Variants in ADGRE1 observed in about 807,000 individuals in gnomAD.
ADGRE1 encodes the protein EGF-like module receptor 1.
ADGRE1 carries 82 observed loss-of-function variants against 102.7 expected under a neutral mutation model. The ratio of observed to expected loss-of-function variants is 0.80; its 90% CI spans 0.67 to 0.96. The LOEUF (loss-of-function observed/expected upper bound fraction) is 0.96. ADGRE1 is among the 40% of genes least tolerant of loss of function. ADGRE1 has a pLI of 0.00. For missense variants in ADGRE1, 1,032 were observed against 1,085.3 expected (o/e 0.95, Z 0.69); for synonymous variants, 398 against 399.6 (o/e 1.00, Z 0.05).
chr19:6,910,455 A>G (rs1051329957), intron 10 of ADGRE1, among the ~76,000 whole-genome samples: 2 of 152,312 alleles, frequency 1.3e-5, no homozygotes, highest in South Asian at 4.1e-4. Context: ...TATGGTTTAT[A>G]AATAGCCACG....
intron 10 of ADGRE1, among the ~76,000 whole-genome samples, chr19:6,909,382 C>T (rs1455537090): frequency 1.3e-5 from 2 of 152,090 alleles, no homozygotes; most frequent in African/African-American, 4.8e-5. Flanking sequence ...ATACTCCCTC[C>T]ACCACTAAAC....
intron 11 of ADGRE1, among the ~76,000 whole-genome samples, chr19:6,914,920 G>A (rs955545087): frequency 6.6e-6 from 1 of 152,162 alleles, no homozygotes; most frequent in African/African-American, 2.4e-5. Flanking sequence ...ACAATGAGGT[G>A]CACAGTGTGG....
chr19:6,890,427 T>G (rs1973319219), intron 1 of ADGRE1, 54 bp from the exon 2 acceptor site: 4 of 1,153,582 alleles, frequency 3.5e-6, no homozygotes, highest in East Asian at 2.9e-5. Context: ...AAAGGTTTTT[T>G]TTTTTTTTTT....
chr19:6,936,261 C>T (rs949822648), intron 18 of ADGRE1, among the ~76,000 whole-genome samples: 1 of 151,832 alleles, frequency 6.6e-6, no homozygotes, highest in Non-Finnish European at 1.5e-5. Context: ...ATGGTGAAAC[C>T]CTGTCTTTAC....
chr19:6,904,060 C>G lies in ADGRE1; in HGVS notation c.827C>G (p.Pro276Arg). 22 of 1,614,194 alleles carry G rather than the reference C, an allele frequency of 1.4e-5. No individual in the cohort carries two copies. The highest frequency in any genetic ancestry group is 1.9e-5 in the Non-Finnish European group (22 of 1,180,034). The stretch of plus-strand genomic sequence containing the variant: ...GATATTGATGAGTGCCGCCAAGATC[C>G]ATCAACCTGTGGTCCTAATTCTATC... ...CRDIDECRQD[P>R]STCGPNSICT... Residue 276 changes from proline to arginine, a missense_variant, in exon 8 of 21, where the codon CCA (proline) becomes CGA (arginine). Physicochemically the swap from Pro to Arg is moderately radical, Grantham distance 103. Transcript: ENST00000312053.
rs1445747619 is a variant in ADGRE1 at position 6,913,640 on chromosome 19, T to A, written c.1123-13T>A. 6.4e-7 allele frequency: 1 copy of A among 1,566,154 alleles called. No homozygotes were observed. The highest frequency in any genetic ancestry group is 2.3e-5 in the East Asian group (1 of 43,416). ...GAGAGAGAGAGAATGAACAAACACA[T>A]CTTTCCTTGCAGAATACAACTGAGA... On this transcript the variant is annotated splice_polypyrimidine_tract_variant and intron_variant, in intron 10 of 20. Transcript: ENST00000312053.
chr19:6,906,747 G>T (rs1219967834), intron 9 of ADGRE1, among the ~76,000 whole-genome samples: 2 of 152,180 alleles, frequency 1.3e-5, no homozygotes, highest in African/African-American at 4.8e-5. Context: ...TGTGGCCCAA[G>T]GTGGCAGCTC....
At chr19:6,889,177 G>A (rs192224125) in intron 1 of ADGRE1, among the ~76,000 whole-genome samples, 1 of 151,472 alleles carries the variant, frequency 6.6e-6, no homozygotes, top group Non-Finnish European at 1.5e-5. Context: ...TGATAATGAC[G>A]ATGAAGATGG....
At chr19:6,937,755 C>G in intron 20 of ADGRE1, 107 bp downstream of exon 20, 1 of 938,434 alleles carries the variant, frequency 1.1e-6, no homozygotes, top group Non-Finnish European at 1.7e-6. Flanking sequence ...CTGAGGGTGC[C>G]CACCCTAGTT....
intron 17 of ADGRE1, among the ~76,000 whole-genome samples, chr19:6,932,897 T>C (rs144076803): frequency 6.6e-6 from 1 of 152,280 alleles, no homozygotes; most frequent in Non-Finnish European, 1.5e-5. Context: ...GCAGTAAATA[T>C]TAGGTATGAA....
chr19:6,908,040 C>T (rs1205766390), intron 9 of ADGRE1, among the ~76,000 whole-genome samples: 1 of 152,234 alleles, frequency 6.6e-6, no homozygotes, highest in Admixed American at 6.5e-5. Context: ...CCATAATGCC[C>T]ACACTGGAAG....
At chr19:6,888,845 G>T (rs778284380) in intron 1 of ADGRE1, among the ~76,000 whole-genome samples, 1 of 152,188 alleles carries the variant, frequency 6.6e-6, no homozygotes. Flanking sequence ...ATCAAATGTA[G>T]GCATGCAGAG....
intron 20 of ADGRE1, among the ~76,000 whole-genome samples, chr19:6,939,625 A>G (rs1975588017): frequency 6.6e-6 from 1 of 152,134 alleles, no homozygotes; most frequent in African/African-American, 2.4e-5. Context: ...GTTCAAGTCA[A>G]GAAGAAGAGG....
chr19:6,928,231 GCC>G lies in ADGRE1; in HGVS notation c.2289+21_2289+22del. ...ATAGTGGTAAGCAAATACTACAACA[GCC>G]TGGCGAAGTGTGTTCTGAAGGAGGA... On this transcript the variant is annotated intron_variant, in intron 17 of 20. Coordinates refer to ENST00000312053, the MANE Select transcript of ADGRE1 (RefSeq NM_001974.5). 6.2e-7 allele frequency: 1 copy of G among 1,614,156 alleles called. No homozygotes were observed. Among genetic ancestry groups the G allele is most frequent in the Non-Finnish European group, 8.5e-7 (1 of 1,180,040 alleles).
At chr19:6,938,781 CT>C (rs1176888073) in intron 20 of ADGRE1, among the ~76,000 whole-genome samples, 1 of 146,434 alleles carries the variant, frequency 6.8e-6, no homozygotes, top group Non-Finnish European at 1.5e-5. Flanking sequence ...TTTTTTCTTT[CT>C]TTCTTTCTTT....
chr19:6,926,267 G>C (rs763791908), intron 15 of ADGRE1, 99 bp from the exon 16 acceptor site: 70 of 1,313,188 alleles, frequency 5.3e-5, no homozygotes, highest in Middle Eastern at 2.6e-4. Context: ...AGTGAGCTAG[G>C]TTTGGGGAAT....
chr19:6,902,589 T>A (rs569966347), intron 6 of ADGRE1, among the ~76,000 whole-genome samples: 2 of 152,140 alleles, frequency 1.3e-5, no homozygotes, highest in Non-Finnish European at 2.9e-5. Context: ...TACAGGCATG[T>A]GGCACCATGT....
intron 20 of ADGRE1, among the ~76,000 whole-genome samples, chr19:6,938,245 G>C (rs768058637): frequency 3.9e-5 from 6 of 152,054 alleles, no homozygotes; most frequent in Non-Finnish European, 5.9e-5. Flanking sequence ...GCTGAGGCAG[G>C]AGAATTGCTT....
At chr19:6,937,517 A>T (rs758492204) in intron 19 of ADGRE1, 27 bp from the exon 20 acceptor site, 46 of 1,583,038 alleles carry the variant, frequency 2.9e-5, no homozygotes, top group Non-Finnish European at 4.0e-5. Context: ...ATTTCCCTGC[A>T]TCTGGATGAT....
Sources: allele counts gnomAD v4.1 joint callset (sites outside exome capture counted in the v4.1 genomes callset), GRCh38; gene constraint gnomAD v4.1.1; transcripts MANE v1.5; gene names NCBI Gene and HGNC (gene_info 2026-07-23, HGNC 2026-07-21).